The following HAUS6 variants were observed in gnomAD, a reference collection of about 807,000 sequenced individuals.
HAUS6 encodes HAUS augmin-like complex subunit 6.
Under a neutral mutation model 106.8 loss-of-function variants are expected in HAUS6, and 80 were observed. The observed-to-expected ratio is 0.75, with a 90% CI of 0.63 to 0.90. The LOEUF is 0.90. Among genes scored for constraint, HAUS6 ranks in the 40% least tolerant of loss-of-function variants. The pLI is 0.00. For missense variants in HAUS6, 1,155 were observed against 1,118.1 expected (o/e 1.03, Z -0.47); for synonymous variants, 356 against 379.1 (o/e 0.94, Z 0.71).
intron 7 of HAUS6, among the ~76,000 whole-genome samples, chr9:19,086,166 C>T (rs946244461): frequency 3.3e-5 from 5 of 151,814 alleles, no homozygotes; most frequent in African/African-American, 1.2e-4. Flanking sequence ...CAAAAATCAG[C>T]TGCACATATT....
At chr9:19,086,346 C>T (rs1445477965) in intron 7 of HAUS6, among the ~76,000 whole-genome samples, 4 of 151,004 alleles carry the variant, frequency 2.6e-5, no homozygotes, top group Non-Finnish European at 1.5e-5. Context: ...GGAGGCTGGG[C>T]GCGGTGGCTC....
In HAUS6 at chr9:19,078,232, T is replaced by A; in HGVS notation, c.1135A>T (p.Lys379Ter). 6.3e-7 allele frequency: 1 copy of A among 1,575,860 alleles called. No individual in the cohort carries two copies. The highest frequency in any genetic ancestry group is 1.1e-5 in the South Asian group (1 of 90,204). Residue 379 changes from lysine to a stop codon, truncating the protein, a stop_gained, in exon 10 of 17, where the codon AAG becomes TAG. Coordinates refer to ENST00000380502, the MANE Select transcript of HAUS6 (RefSeq NM_017645.5). LOFTEE classifies it high-confidence loss of function. ...VVEKQGEWHK[K>*]WKEFLGLSPF... ...GACAAACCAAGAAATTCTTTCCACT[T>A]TTTATGCCATTCTCCTTGCTTTTCA...
chr9:19,065,980 C>A (rs1034578252), intron 12 of HAUS6, among the ~76,000 whole-genome samples: 2 of 148,550 alleles, frequency 1.3e-5, no homozygotes, highest in South Asian at 2.2e-4. Flanking sequence ...CTGTCGCCCA[C>A]ACTGGAGTGC....
In HAUS6 at chr9:19,058,781, G is replaced by A. The variant is rs149757913; in HGVS notation, c.1986C>T (p.Cys662=). Residue 662 remains cysteine, a synonymous_variant, in exon 16 of 17, where the codon TGC becomes TGT. Coordinates refer to ENST00000380502, the MANE Select transcript of HAUS6 (RefSeq NM_017645.5). Reference sequence around the variant, plus strand: ...GCACATGTTTCTGAGGCACACACTCGCAATCTGAAATAACTTTCTCTTCAG... The same window carrying A: ...GCACATGTTTCTGAGGCACACACTCACAATCTGAAATAACTTTCTCTTCAG... ...HLTEEKVISD[C]ECVPQKHVLT... is the part of the protein sequence containing the mutation. 293 of 1,614,128 alleles carry A rather than the reference G, an allele frequency of 1.8e-4. 1 individual carries two copies. In the East Asian group the frequency reaches 5.6e-3, roughly 31 times the overall value.
chr9:19,088,503 A>C (rs887850438), intron 5 of HAUS6, among the ~76,000 whole-genome samples: 10 of 152,204 alleles, frequency 6.6e-5, no homozygotes, highest in Middle Eastern at 3.2e-3. Context: ...ACGAAATAAA[A>C]TAAACACTAC....
chr9:19,096,963 T>G (rs935130756), intron 1 of HAUS6, among the ~76,000 whole-genome samples, 194 bp from the exon 2 acceptor site: 1 of 152,174 alleles, frequency 6.6e-6, no homozygotes. Context: ...TTTCTAATTC[T>G]GAAAACACAG....
At chr9:19,069,904 T>A (rs1836851775) in intron 12 of HAUS6, among the ~76,000 whole-genome samples, 1 of 152,116 alleles carries the variant, frequency 6.6e-6, no homozygotes, top group Admixed American at 6.5e-5. Context: ...AAGACTAGCC[T>A]CTGCAACCCA....
chr9:19,077,160 A>G (rs946725762), intron 10 of HAUS6, among the ~76,000 whole-genome samples: 1 of 152,202 alleles, frequency 6.6e-6, no homozygotes, highest in Non-Finnish European at 1.5e-5. Context: ...CTATTTTTAA[A>G]GCAGAGTACA....
chr9:19,070,077 A>G (rs1354548337), intron 12 of HAUS6, 142 bp downstream of exon 12: 1 of 606,868 alleles, frequency 1.6e-6, no homozygotes, highest in Admixed American at 3.0e-5. Context: ...GCGTTTTTAC[A>G]ATCCTCTTGT....
Position 19,086,733 on chromosome 9 carries a change from C to G in HAUS6, c.699+1G>C. The G allele has an allele frequency of 1.6e-6, 2 of 1,242,306 alleles. No homozygotes were observed. The highest frequency in any genetic ancestry group is 2.3e-6 in the Non-Finnish European group (2 of 854,814). The allele number at this position is 1,242,306 out of a possible 1,614,324, so 77.0% of individuals were successfully genotyped here. A position where few individuals can be genotyped will look rare whatever the true frequency, so the allele number is the denominator to read the frequency against. ...ATTTCTCCTTTTATAAGTTGTCTCA[C>G]CTTTTGAATTTTTTCTTCCATATTA... On this transcript the variant is annotated splice_donor_variant, in intron 7 of 16. Coordinates refer to ENST00000380502, the MANE Select transcript of HAUS6 (RefSeq NM_017645.5). LOFTEE classifies it high-confidence loss of function.
chr9:19,087,720 T>C (rs749303236), intron 5 of HAUS6, among the ~76,000 whole-genome samples: 2 of 151,710 alleles, frequency 1.3e-5, no homozygotes, highest in Non-Finnish European at 2.9e-5. Flanking sequence ...CTGGGTGTGG[T>C]AGAACACGCC....
chr9:19,089,613 G>C (rs1026957952), intron 4 of HAUS6, 54 bp from the exon 5 acceptor site: 6 of 1,378,080 alleles, frequency 4.4e-6, no homozygotes, highest in Non-Finnish European at 6.0e-6. Flanking sequence ...ATAGTAGTGG[G>C]TTATCAGAAA....
At chr9:19,088,495 G>A (rs138726294) in intron 5 of HAUS6, among the ~76,000 whole-genome samples, 117 of 151,804 alleles carry the variant, frequency 7.7e-4, no homozygotes, top group African/African-American at 2.5e-3. Context: ...AAAAGGATAC[G>A]AAATAAAATA....
chr9:19,075,366 A>G (rs994032583), intron 11 of HAUS6, among the ~76,000 whole-genome samples: 9 of 152,234 alleles, frequency 5.9e-5, no homozygotes, highest in Middle Eastern at 3.2e-3. Context: ...TACATTTTCA[A>G]TGGGTGAATT....
chr9:19,080,461 C>T lies in HAUS6; in HGVS notation c.1064+18G>A, dbSNP rs376824060. On this transcript the variant is annotated intron_variant, in intron 9 of 16. Transcript: ENST00000380502. ...CCCTACTCCTCCCACAGTAAAATAA[C>T]AGATCTTTTTAGTGTACCTCATATG... 8.4e-6 allele frequency: 13 copies of T among 1,543,932 alleles called. No individual in the cohort carries two copies. Among genetic ancestry groups the T allele is most frequent in the Non-Finnish European group, 1.2e-5 (13 of 1,119,130 alleles).
rs752227718 is a variant in HAUS6, at chr9:19,102,552, T to A, written c.100A>T (p.Lys34Ter). 5 of 1,613,684 alleles carry A rather than the reference T, an allele frequency of 3.1e-6. No homozygotes were observed. The African/African-American group carries it at 6.7e-5, about 22-fold the overall frequency. Residue 34 changes from lysine to a stop codon, truncating the protein, a stop_gained, in exon 1 of 17, where the codon AAG becomes TAG. Coordinates refer to ENST00000380502, the MANE Select transcript of HAUS6 (RefSeq NM_017645.5). LOFTEE classifies it high-confidence loss of function. ...EPGPATIACG[K>*]IVSHTHLGVN... ...CCGAGGTGCGTGTGCGACACGATCT[T>A]TCCGCAGGCAATGGTTGCCGGGCCT...
At chr9:19,067,127 CT>C (rs1205987524) in intron 12 of HAUS6, among the ~76,000 whole-genome samples, 2 of 152,058 alleles carry the variant, frequency 1.3e-5, no homozygotes, top group African/African-American at 4.8e-5. Context: ...TCTTTCCATG[CT>C]TTTTTAGTTG....
chr9:19,059,247 C>A (rs1046876270), intron 15 of HAUS6, among the ~76,000 whole-genome samples: 1 of 152,188 alleles, frequency 6.6e-6, no homozygotes, highest in Non-Finnish European at 1.5e-5. Flanking sequence ...CAATTTTACA[C>A]AGCACATATG....
At position 19,094,303 on chromosome 9, in the gene HAUS6, A is replaced by G. The variant is rs1564021223; in HGVS notation, c.303+14T>C. On this transcript the variant is annotated intron_variant, in intron 3 of 16. Coordinates refer to ENST00000380502, the MANE Select transcript of HAUS6 (RefSeq NM_017645.5). ...TTCTTAAAGTCTGTATCTTCTAACA[A>G]AAAGAATACTTACAGAAATCCTTTT... 2.7e-6 allele frequency: 4 copies of G among 1,492,210 alleles called. No individual in the cohort carries two copies. The highest frequency in any genetic ancestry group is 3.7e-6 in the Non-Finnish European group (4 of 1,078,736). 92.4% of individuals were successfully genotyped at this position (1,492,210 alleles called of 1,614,324 possible). A position where few individuals can be genotyped will look rare whatever the true frequency, so the allele number is the denominator to read the frequency against.
Sources: gnomAD v4.1 joint callset for allele counts (sites outside exome capture counted in the v4.1 genomes callset) on GRCh38, gnomAD v4.1.1 for gene constraint, MANE v1.5 for transcripts, NCBI Gene and HGNC (gene_info 2026-07-23, HGNC 2026-07-21) for gene names.